Variants in LINGO2 observed in about 807,000 individuals in gnomAD.
LINGO2 encodes the protein leucine-rich repeat and immunoglobulin-like domain-containing nogo receptor-interacting protein 2.
A neutral mutation model predicts 30.6 loss-of-function variants in LINGO2; 14 were observed. That is an observed-to-expected ratio of 0.46 (90% CI 0.30 to 0.72). LINGO2 has a LOEUF of 0.72. LINGO2 is among the 30% of genes least tolerant of loss of function. The pLI, the probability that LINGO2 is intolerant of heterozygous loss-of-function variation, is 0.07. For synonymous variants in LINGO2, 317 were observed against 288.5 expected (o/e 1.10, Z -1.00); for missense variants, 729 against 751.7 (o/e 0.97, Z 0.35).
chr9:29,085,876 G>A, the LINGO2 span, among the ~76,000 whole-genome samples: 1 of 152,192 alleles, frequency 6.6e-6, no homozygotes, highest in Admixed American at 6.6e-5. Context: ...GTTAAATCTA[G>A]TTGTATCTAT....
At chr9:28,786,863 A>G in the LINGO2 span, among the ~76,000 whole-genome samples, 1 of 152,178 alleles carries the variant, frequency 6.6e-6, no homozygotes, top group African/African-American at 2.4e-5. Context: ...TTGACGGGTA[A>G]GCAGGAACAA....
At chr9:28,075,965 T>C (rs978286444) in intron 4 of LINGO2, among the ~76,000 whole-genome samples, 4 of 152,068 alleles carry the variant, frequency 2.6e-5, no homozygotes, top group African/African-American at 9.6e-5. Flanking sequence ...TTGAAGTAAA[T>C]ATGCCTTTTT....
In LINGO2 at chr9:28,098,187, C is replaced by T. The variant is rs562506997; in HGVS notation, c.-86-85782G>A. ...GGGTGTGGTGGCATCCACCTGTGGT[C>T]CCAGCTACTAGGGAGGCTGAGGCAG... On this transcript the variant is annotated intron_variant, in intron 4 of 5. Transcript: ENST00000379992. Among the ~76,000 whole-genome samples the T allele has an allele frequency of 2.3e-4, 35 of 152,198 alleles. 1 individual carries two copies. Among genetic ancestry groups the T allele is most frequent in the Admixed American group, 1.0e-3 (16 of 15,274 alleles).
At chr9:29,019,947 TA>T in the LINGO2 span, among the ~76,000 whole-genome samples, 3 of 152,230 alleles carry the variant, frequency 2.0e-5, no homozygotes, top group South Asian at 6.2e-4. Context: ...GCTGGGATGA[TA>T]AAAATCCTGG....
At position 28,624,499 on chromosome 9, in the gene LINGO2, T is replaced by C. The variant is rs76614020; in HGVS notation, c.-365+45701A>G. ...TGATTTGCGTATGTTAAGACATCCT[T>C]GCATACCTTGAGTAAATCCCACTTG... On this transcript the variant is annotated intron_variant, in intron 1 of 5. Coordinates refer to ENST00000379992, the Ensembl canonical transcript of LINGO2. 9.6e-3 allele frequency among the ~76,000 whole-genome samples: 1,460 copies of C among 152,246 alleles called. 27 individuals carry two copies. Among genetic ancestry groups the C allele is most frequent in the East Asian group, 0.082 (424 of 5,166 alleles).
chr9:28,383,720 TATA>T (rs1402001423), intron 2 of LINGO2, among the ~76,000 whole-genome samples: 3 of 152,270 alleles, frequency 2.0e-5, no homozygotes, highest in Middle Eastern at 3.4e-3. Context: ...AGAGCATCTG[TATA>T]ATATTTCAGA....
At chr9:28,706,639 T>C in the LINGO2 span, among the ~76,000 whole-genome samples, 1 of 152,112 alleles carries the variant, frequency 6.6e-6, no homozygotes, top group Non-Finnish European at 1.5e-5. Context: ...TTCCCTGAAA[T>C]AGGCCAATAA....
chr9:28,546,417 T>G (rs1821941864), intron 1 of LINGO2, among the ~76,000 whole-genome samples: 1 of 152,106 alleles, frequency 6.6e-6, no homozygotes, highest in African/African-American at 2.4e-5. Flanking sequence ...AAAAAGGGAA[T>G]GATCTAATGG....
intron 1 of LINGO2, among the ~76,000 whole-genome samples, chr9:28,667,790 A>T (rs1451100054): frequency 6.6e-6 from 1 of 152,024 alleles, no homozygotes; most frequent in African/African-American, 2.4e-5. Flanking sequence ...TCAAATTCCC[A>T]AATTATGATG....
At chr9:28,919,273 A>T in the LINGO2 span, among the ~76,000 whole-genome samples, 2 of 152,154 alleles carry the variant, frequency 1.3e-5, no homozygotes, top group Admixed American at 1.3e-4. Context: ...TTGAAGGTTC[A>T]GCCATGAATC....
the LINGO2 span, among the ~76,000 whole-genome samples, chr9:28,793,694 C>T: frequency 7.2e-5 from 11 of 152,256 alleles, no homozygotes; most frequent in African/African-American, 2.6e-4. Flanking sequence ...GAGCAACAGA[C>T]CTTACAAATC....
chr9:28,822,372 A>G, the LINGO2 span, among the ~76,000 whole-genome samples: 2 of 152,198 alleles, frequency 1.3e-5, no homozygotes, highest in Non-Finnish European at 2.9e-5. Flanking sequence ...TAAATTTTTA[A>G]TAACTTTAAG....
chr9:28,779,373 C>CA, the LINGO2 span, among the ~76,000 whole-genome samples: 1 of 152,116 alleles, frequency 6.6e-6, no homozygotes, highest in Non-Finnish European at 1.5e-5. Flanking sequence ...GGCAGGTCAA[C>CA]AATCCATCTT....
At position 28,583,961 on chromosome 9, in the gene LINGO2, A is replaced by T. The variant is rs147619685; in HGVS notation, c.-365+86239T>A. On this transcript the variant is annotated intron_variant, in intron 1 of 5. Coordinates refer to ENST00000379992, the Ensembl canonical transcript of LINGO2. Reference sequence around the variant, plus strand: ...GAGATCATGGAAGTGGGCTCTTGATAGAAAGGATGGATTTGGCCAGATTTC... The same window carrying T: ...GAGATCATGGAAGTGGGCTCTTGATTGAAAGGATGGATTTGGCCAGATTTC... Among the ~76,000 whole-genome samples, 144 of 152,170 alleles carry T rather than the reference A, an allele frequency of 9.5e-4. 3 individuals are homozygous for T. The East Asian group carries it at 0.026, about 28-fold the overall frequency.
At chr9:28,906,412 T>C in the LINGO2 span, among the ~76,000 whole-genome samples, 4 of 151,772 alleles carry the variant, frequency 2.6e-5, no homozygotes, top group Non-Finnish European at 4.4e-5. Flanking sequence ...ATAATACATA[T>C]AATTTTTATT....
At chr9:28,589,219 C>A (rs1430178096) in intron 1 of LINGO2, among the ~76,000 whole-genome samples, 1 of 152,070 alleles carries the variant, frequency 6.6e-6, no homozygotes, top group African/African-American at 2.4e-5. Flanking sequence ...AAACTGGAAG[C>A]ATTCCCTTTG....
intron 1 of LINGO2, among the ~76,000 whole-genome samples, chr9:28,522,232 A>G (rs1820853849): frequency 6.6e-6 from 1 of 152,186 alleles, no homozygotes; most frequent in Admixed American, 6.5e-5. Context: ...AGGTGATCTC[A>G]CATTAGTAGG....
the LINGO2 span, among the ~76,000 whole-genome samples, chr9:29,170,000 A>G: frequency 6.6e-6 from 1 of 152,122 alleles, no homozygotes; most frequent in African/African-American, 2.4e-5. Flanking sequence ...ATAAAAACAA[A>G]CAAACAAAAA....
intron 1 of LINGO2, among the ~76,000 whole-genome samples, chr9:28,486,030 G>A (rs1209250620): frequency 6.6e-6 from 1 of 151,950 alleles, no homozygotes; most frequent in African/African-American, 2.4e-5. Context: ...GACACAGCTT[G>A]GAATGACTAA....
Sources: gnomAD v4.1 joint callset for allele counts (sites outside exome capture counted in the v4.1 genomes callset) on GRCh38, gnomAD v4.1.1 for gene constraint, MANE v1.5 for transcripts, NCBI Gene and HGNC (gene_info 2026-07-23, HGNC 2026-07-21) for gene names.